TAF4B: variants seen among roughly 807,000 people sequenced by gnomAD.
The protein encoded by TAF4B is transcription initiation factor TFIID subunit 4B.
TAF4B carries 38 observed loss-of-function variants against 86.4 expected under a neutral mutation model. The ratio of observed to expected loss-of-function variants is 0.44; its 90% CI spans 0.34 to 0.58. The LOEUF (loss-of-function observed/expected upper bound fraction) is 0.58, where lower values mean the gene tolerates loss of function less well. Ranked by LOEUF, TAF4B falls within the 20% of genes least tolerant of loss-of-function variation. The pLI, the probability that TAF4B is intolerant of heterozygous loss-of-function variation, is 0.02. For synonymous variants in TAF4B, 388 were observed against 391.2 expected (o/e 0.99, Z 0.10); for missense variants, 988 against 1,027.6 (o/e 0.96, Z 0.53).
chr18:26,274,557 TAA>T (rs1277611653), intron 3 of TAF4B, 104 bp from the exon 4 acceptor site: 222 of 1,286,004 alleles, frequency 1.7e-4, no homozygotes, highest in Non-Finnish European at 2.3e-4. Flanking sequence ...GAGCATAACA[TAA>T]AACCACAGAT....
intron 8 of TAF4B, 130 bp downstream of exon 8, chr18:26,292,511 C>T (rs572739959): frequency 1.0e-6 from 1 of 973,244 alleles, no homozygotes; most frequent in East Asian, 2.6e-5. Flanking sequence ...TGAGAGAAAA[C>T]AGAAAGATAA....
At chr18:26,347,344 A>G (rs1323840047) in intron 13 of TAF4B, among the ~76,000 whole-genome samples, 2 of 152,176 alleles carry the variant, frequency 1.3e-5, no homozygotes, top group Non-Finnish European at 2.9e-5. Flanking sequence ...TACTCAAGGG[A>G]GTTTTACATT....
At chr18:26,331,634 A>G (rs189957052) in intron 12 of TAF4B, among the ~76,000 whole-genome samples, 5 of 152,318 alleles carry the variant, frequency 3.3e-5, no homozygotes, top group Admixed American at 1.3e-4. Context: ...GCTGAAAAAC[A>G]TAGGCATCAT....
At chr18:26,250,240 C>T (rs1265160580) in intron 1 of TAF4B, among the ~76,000 whole-genome samples, 3 of 152,070 alleles carry the variant, frequency 2.0e-5, no homozygotes, top group African/African-American at 7.2e-5. Context: ...GCTCACGCCT[C>T]CTATCCCAGC....
chr18:26,359,344 T>C (rs2144735990), intron 14 of TAF4B, among the ~76,000 whole-genome samples: 1 of 152,300 alleles, frequency 6.6e-6, no homozygotes, highest in South Asian at 2.1e-4. Context: ...TGTGTGCTTG[T>C]ACAATGTAAG....
chr18:26,251,362 TG>T (rs1479687882), intron 1 of TAF4B, among the ~76,000 whole-genome samples: 8 of 152,180 alleles, frequency 5.3e-5, no homozygotes, highest in African/African-American at 1.9e-4. Context: ...CTCTTAGATT[TG>T]TAAGGATCTG....
intron 1 of TAF4B, among the ~76,000 whole-genome samples, chr18:26,238,512 C>G (rs2055784490): frequency 6.6e-6 from 1 of 151,884 alleles, no homozygotes; most frequent in South Asian, 2.1e-4. Context: ...ATTGGTGAGC[C>G]CGGGTGCCTA....
At position 26,274,802 on chromosome 18, in the gene TAF4B, C is replaced by G. The variant is rs1274139325; in HGVS notation, c.737C>G (p.Ala246Gly). ...AATCTTAAAGCAGAGAACTCAGCAG[C>G]TGTTCAGATTAATCTTTCTCCGGTA... ...EPNLKAENSAAVQINLSPTML... is the reference protein window; with the variant it reads ...EPNLKAENSAGVQINLSPTML... The change falls in exon 4 of 15, where the codon GCT (alanine) becomes GGT (glycine). Residue 246 changes from alanine to glycine, a missense_variant. Physicochemically the swap from Ala to Gly is moderately conservative, Grantham distance 60. Coordinates refer to ENST00000269142, the MANE Select transcript of TAF4B (RefSeq NM_005640.3). 2.5e-6 allele frequency: 4 copies of G among 1,614,058 alleles called. No homozygotes were observed. The Admixed American group carries it at 6.7e-5, about 27-fold the overall frequency.
At chr18:26,351,196 T>C (rs2057242910) in intron 13 of TAF4B, among the ~76,000 whole-genome samples, 1 of 152,102 alleles carries the variant, frequency 6.6e-6, no homozygotes, top group Non-Finnish European at 1.5e-5. Flanking sequence ...TAAAAAAGAA[T>C]GAAATCTTGT....
intron 14 of TAF4B, among the ~76,000 whole-genome samples, chr18:26,359,569 T>C (rs1234937411): frequency 6.6e-6 from 1 of 152,226 alleles, no homozygotes; most frequent in Admixed American, 6.5e-5. Context: ...TATTTTAAAG[T>C]AATTTTCTTT....
At chr18:26,343,960 A>T (rs1435248284) in intron 13 of TAF4B, among the ~76,000 whole-genome samples, 1 of 152,226 alleles carries the variant, frequency 6.6e-6, no homozygotes, top group African/African-American at 2.4e-5. Flanking sequence ...CCCCAAGATA[A>T]CATAGATGTT....
chr18:26,275,169 G>A, intron 5 of TAF4B, 116 bp downstream of exon 5: 2 of 1,181,766 alleles, frequency 1.7e-6, no homozygotes, highest in Non-Finnish European at 2.2e-6. Context: ...TTTAATTTAT[G>A]TTTTGAGACA....
Position 26,286,221 on chromosome 18 carries a change from G to T in TAF4B, c.1312G>T (p.Val438Leu), listed in dbSNP as rs74947492. ...TTTGCTTCAGACTTCAAAACCACTTGTGACATCTGTGGCAAACACAGTGAC... is the reference window on the plus strand; with the variant it reads ...TTTGCTTCAGACTTCAAAACCACTTTTGACATCTGTGGCAAACACAGTGAC... The part of the protein sequence containing the change: ...TGLLQTSKPL[V>L]TSVANTVTTV... The change falls in exon 7 of 15, where the codon GTG (valine) becomes TTG (leucine). Residue 438 changes from valine to leucine, a missense_variant. Around this residue, in one of 3 missense-constraint regions of TAF4B, gnomAD observed 747 missense variants for 737.9 expected, o/e 1.01. Transcript: ENST00000269142. 6.2e-7 allele frequency: 1 copy of T among 1,614,160 alleles called. No homozygotes were observed. Among genetic ancestry groups the T allele is most frequent in the Admixed American group, 1.7e-5 (1 of 60,016 alleles).
chr18:26,358,075 A>G (rs920032012), intron 14 of TAF4B, among the ~76,000 whole-genome samples: 3 of 151,820 alleles, frequency 2.0e-5, no homozygotes, highest in Non-Finnish European at 4.4e-5. Context: ...TAAATTTTTT[A>G]TTTCTGTACA....
intron 9 of TAF4B, among the ~76,000 whole-genome samples, chr18:26,306,887 C>A (rs1435166663): frequency 6.6e-6 from 1 of 152,080 alleles, no homozygotes; most frequent in Non-Finnish European, 1.5e-5. Flanking sequence ...ACGCCATTCT[C>A]CTGCCTCAGC....
intron 14 of TAF4B, among the ~76,000 whole-genome samples, chr18:26,386,478 C>G (rs1473578477): frequency 6.6e-6 from 1 of 152,134 alleles, no homozygotes; most frequent in African/African-American, 2.4e-5. Flanking sequence ...AAGCTCACCA[C>G]AGTTTTCACA....
At chr18:26,339,098 A>C (rs998441491) in intron 13 of TAF4B, among the ~76,000 whole-genome samples, 2 of 152,142 alleles carry the variant, frequency 1.3e-5, no homozygotes, top group Non-Finnish European at 2.9e-5. Context: ...CTGTAATTCA[A>C]ACGTTTTATT....
intron 3 of TAF4B, among the ~76,000 whole-genome samples, chr18:26,269,639 A>T (rs1196743723): frequency 1.3e-5 from 2 of 152,110 alleles, no homozygotes; most frequent in Non-Finnish European, 2.9e-5. Flanking sequence ...AGTGAATCTG[A>T]TTTTAAACGT....
At chr18:26,358,118 C>T (rs1356656503) in intron 14 of TAF4B, among the ~76,000 whole-genome samples, 1 of 152,034 alleles carries the variant, frequency 6.6e-6, no homozygotes, top group Non-Finnish European at 1.5e-5. Context: ...GTCCTGTTCC[C>T]TCTGTCTAAA....
Sources: gnomAD v4.1 joint callset for allele counts (sites outside exome capture counted in the v4.1 genomes callset) on GRCh38, gnomAD v4.1.1 for gene constraint, gnomAD v4.1.1 regional missense constraint, MANE v1.5 for transcripts, NCBI Gene and HGNC (gene_info 2026-07-23, HGNC 2026-07-21) for gene names.